The following VAX2 variants were observed in gnomAD, a reference collection of about 807,000 sequenced individuals.
The protein encoded by VAX2 is ventral anterior homeobox 2.
In VAX2, 8 loss-of-function variants were observed where a neutral mutation model predicts 12.5. The observed-to-expected ratio is 0.64, with a 90% CI of 0.37 to 1.15. The LOEUF is 1.15. Ranked by LOEUF, VAX2 falls within the 50% of genes most tolerant of loss-of-function variation. The pLI, the probability that VAX2 is intolerant of heterozygous loss-of-function variation, is 0.01. For missense variants in VAX2, 476 were observed against 412.9 expected, an observed-to-expected ratio of 1.15 and a Z score of -1.32; for synonymous variants, 183 against 187.6, an observed-to-expected ratio of 0.98 and a Z score of 0.20.
In VAX2 at chr2:70,933,249, A is replaced by G; in HGVS notation, c.*45A>G. Reference sequence around the variant, plus strand: ...TGAGTCCCGAGCACAGCACCTTCCCAGTCTCCTGTGCCCCAGCGGACAGCA... The same window carrying G: ...TGAGTCCCGAGCACAGCACCTTCCCGGTCTCCTGTGCCCCAGCGGACAGCA... On this transcript the variant is annotated 3_prime_UTR_variant, in exon 3 of 3. Transcript: ENST00000234392. 2 of 1,466,702 alleles carry G rather than the reference A, an allele frequency of 1.4e-6. No individual in the cohort carries two copies. Among genetic ancestry groups the G allele is most frequent in the South Asian group, 1.5e-5 (1 of 67,142 alleles). 90.9% of individuals were successfully genotyped at this position (1,466,702 alleles called of 1,614,324 possible).
intron 1 of VAX2, among the ~76,000 whole-genome samples, chr2:70,913,568 C>T (rs770102548): frequency 1.3e-5 from 2 of 151,936 alleles, no homozygotes; most frequent in Non-Finnish European, 2.9e-5. Flanking sequence ...CTCAACTACT[C>T]AGGAGGCGGA....
chr2:70,912,248 C>G lies in VAX2; in HGVS notation c.248-8850C>G, dbSNP rs570536448. ...ACTATTGTTTAACTTTTTTTGTTGA[C>G]TATCCTTGCATTTTCAATGTTCCCA... is the stretch of plus-strand genomic sequence containing the variant. On this transcript the variant is annotated intron_variant, in intron 1 of 2. Coordinates refer to ENST00000234392, the MANE Select transcript of VAX2 (RefSeq NM_012476.3). Among the ~76,000 whole-genome samples, 8 of 152,300 alleles carry G rather than the reference C, an allele frequency of 5.3e-5. No homozygotes were observed. In the South Asian group the frequency reaches 1.7e-3, roughly 32 times the overall value.
At chr2:70,928,410 G>A (rs1679619471) in intron 2 of VAX2, among the ~76,000 whole-genome samples, 1 of 152,212 alleles carries the variant, frequency 6.6e-6, no homozygotes, top group Non-Finnish European at 1.5e-5. Context: ...ATTCCAGTGT[G>A]CGGCCAAGGT....
At chr2:70,901,547 C>G (rs1553409788) in intron 1 of VAX2, among the ~76,000 whole-genome samples, 1 of 152,244 alleles carries the variant, frequency 6.6e-6, no homozygotes, top group African/African-American at 2.4e-5. Flanking sequence ...CCCTCGTCCT[C>G]CTCTCGTCTT....
chr2:70,901,492 C>G (rs1466235728), intron 1 of VAX2, among the ~76,000 whole-genome samples: 1 of 152,260 alleles, frequency 6.6e-6, no homozygotes, highest in African/African-American at 2.4e-5. Flanking sequence ...CTCGGCGCCG[C>G]CTTCCCGCGG....
At chr2:70,906,915 T>C (rs1572887156) in intron 1 of VAX2, among the ~76,000 whole-genome samples, 1 of 151,966 alleles carries the variant, frequency 6.6e-6, no homozygotes, top group South Asian at 2.1e-4. Context: ...ACGTAGGAGG[T>C]GGTCACTGTG....
In VAX2 at chr2:70,928,899, A is replaced by G. The variant is rs530335197; in HGVS notation, c.436-3868A>G. On this transcript the variant is annotated intron_variant, in intron 2 of 2. Coordinates refer to ENST00000234392, the MANE Select transcript of VAX2 (RefSeq NM_012476.3). Reference sequence around the variant, plus strand: ...TGGGTTTTCTTCTTTCATCTCTGCAATAGCCAAGTATTATTGTCCCCATTT... The same window carrying G: ...TGGGTTTTCTTCTTTCATCTCTGCAGTAGCCAAGTATTATTGTCCCCATTT... Among the ~76,000 whole-genome samples, 25 of 152,356 alleles carry G rather than the reference A, an allele frequency of 1.6e-4. 1 individual carries two copies. Among genetic ancestry groups the G allele is most frequent in the Admixed American group, 3.9e-4 (6 of 15,302 alleles).
intron 2 of VAX2, among the ~76,000 whole-genome samples, chr2:70,923,764 G>A (rs781809364): frequency 2.7e-4 from 40 of 150,610 alleles, no homozygotes; most frequent in African/African-American, 7.6e-4. Context: ...CTCCCATGCC[G>A]TTTCCAGTGC....
chr2:70,914,521 G>GTA (rs1553411669), intron 1 of VAX2, among the ~76,000 whole-genome samples: 2 of 152,124 alleles, frequency 1.3e-5, no homozygotes, highest in Non-Finnish European at 2.9e-5. Context: ...AGCCTTAAAA[G>GTA]ATGGACTCAA....
At chr2:70,917,760 G>A (rs1679341811) in intron 1 of VAX2, among the ~76,000 whole-genome samples, 1 of 151,976 alleles carries the variant, frequency 6.6e-6, no homozygotes, top group Non-Finnish European at 1.5e-5. Flanking sequence ...CCCCCTTTTA[G>A]GTCTTGTATA....
intron 2 of VAX2, among the ~76,000 whole-genome samples, chr2:70,926,473 C>G (rs1225363839): frequency 6.6e-6 from 1 of 152,184 alleles, no homozygotes; most frequent in Non-Finnish European, 1.5e-5. Context: ...TAGAAACCTT[C>G]TGATACACCT....
At chr2:70,923,525 C>G (rs1413197022) in intron 2 of VAX2, among the ~76,000 whole-genome samples, 1 of 152,206 alleles carries the variant, frequency 6.6e-6, no homozygotes, top group Non-Finnish European at 1.5e-5. Context: ...TCCCACAAGA[C>G]AGTGCCACAG....
At position 70,904,104 on chromosome 2, in the gene VAX2, GCGGACGCA is replaced by G. The variant is rs1421554316; in HGVS notation, c.247+3237_247+3244del. On this transcript the variant is annotated intron_variant, in intron 1 of 2. Transcript: ENST00000234392. This position sits in a 1 kb window ranked among gnomAD's most constrained non-coding sequence, Gnocchi z 4.2. ...TAACAGGCACCCCGCACATCGCACC[GCGGACGCA>G]GCGATCCTCCCATTTGTACCCTAAG... Among the ~76,000 whole-genome samples the G allele has an allele frequency of 2.0e-5, 3 of 152,230 alleles. No individual in the cohort carries two copies. Among genetic ancestry groups the G allele is most frequent in the Admixed American group, 6.5e-5 (1 of 15,282 alleles).
intron 1 of VAX2, among the ~76,000 whole-genome samples, chr2:70,915,177 C>G (rs1337019518): frequency 2.0e-5 from 3 of 151,848 alleles, no homozygotes; most frequent in African/African-American, 7.3e-5. Context: ...TTTTGTCATC[C>G]AAGTTTTTAG....
Position 70,910,360 on chromosome 2 carries a change from AC to A in VAX2, c.247+9493del, listed in dbSNP as rs574510448. 4.6e-5 allele frequency among the ~76,000 whole-genome samples: 7 copies of A among 152,286 alleles called. 1 individual carries two copies. The South Asian group carries it at 1.2e-3, about 27-fold the overall frequency. On this transcript the variant is annotated intron_variant, in intron 1 of 2. Coordinates refer to ENST00000234392, the MANE Select transcript of VAX2 (RefSeq NM_012476.3). The stretch of plus-strand genomic sequence containing the variant: ...ACATATACATGGTATGAATATAATT[AC>A]AGGATAAATTCCTAGAAGCAAACTT...
chr2:70,912,050 CTA>C (rs1679196912), intron 1 of VAX2, among the ~76,000 whole-genome samples: 1 of 152,084 alleles, frequency 6.6e-6, no homozygotes, highest in South Asian at 2.1e-4. Context: ...TGTTCAAAAG[CTA>C]TGTCTCTAAT....
intron 2 of VAX2, among the ~76,000 whole-genome samples, chr2:70,923,705 G>A (rs1389213827): frequency 6.6e-6 from 1 of 152,220 alleles, no homozygotes; most frequent in East Asian, 1.9e-4. Flanking sequence ...GTGAGGAAGA[G>A]CCAGATGGAA....
intron 1 of VAX2, among the ~76,000 whole-genome samples, chr2:70,915,045 C>T (rs1428033054): frequency 2.0e-5 from 3 of 152,092 alleles, no homozygotes; most frequent in Non-Finnish European, 4.4e-5. Context: ...AAGTGATCTG[C>T]CCACCTCGGC....
chr2:70,922,280 T>C (rs1243174009), intron 2 of VAX2, among the ~76,000 whole-genome samples: 3 of 152,068 alleles, frequency 2.0e-5, no homozygotes, highest in Admixed American at 1.3e-4. Context: ...ATTGATAAAG[T>C]GGAGAGGAAG....
Sources: allele counts gnomAD v4.1 joint callset (sites outside exome capture counted in the v4.1 genomes callset), GRCh38; gene constraint gnomAD v4.1.1; non-coding constraint Gnocchi (gnomAD v3.1); transcripts MANE v1.5; gene names NCBI Gene and HGNC (gene_info 2026-07-23, HGNC 2026-07-21).